Variants in CPQ observed in about 807,000 individuals in gnomAD.
The protein encoded by CPQ is Ser-Met dipeptidase.
In CPQ, 37 loss-of-function variants were observed where a neutral mutation model predicts 45.7. That is an observed-to-expected ratio of 0.81 (90% CI 0.62 to 1.07). The LOEUF (loss-of-function observed/expected upper bound fraction) is 1.07, where lower values mean the gene tolerates loss of function less well. CPQ is among the 50% of genes least tolerant of loss of function. The pLI is 0.00. For synonymous variants in CPQ, 186 were observed against 205.8 expected (o/e 0.90, Z 0.82); for missense variants, 537 against 572.9 (o/e 0.94, Z 0.64).
chr8:97,127,819 C>T (rs1393809273), intron 7 of CPQ, among the ~76,000 whole-genome samples: 1 of 152,130 alleles, frequency 6.6e-6, no homozygotes, highest in Non-Finnish European at 1.5e-5. Context: ...TTATGCTGAG[C>T]AAAAGAAGCC....
At chr8:96,898,773 T>TAAA (rs1162694440) in intron 4 of CPQ, among the ~76,000 whole-genome samples, 6 of 29,608 alleles carry the variant, frequency 2.0e-4, no homozygotes, top group Non-Finnish European at 3.3e-4. Context: ...ACTTAGGGTA[T>TAAA]AATAAAAAAA....
At position 96,974,075 on chromosome 8, in the gene CPQ, G is replaced by T. The variant is rs144956221; in HGVS notation, c.961+8029G>T. 7.4e-4 allele frequency among the ~76,000 whole-genome samples: 113 copies of T among 152,224 alleles called. 4 individuals are homozygous for T. In the East Asian group the frequency reaches 0.016, roughly 21 times the overall value. ...TTCTCCACTTAAAAGATAACAGAAT[G>T]ACAGAATGGATAAGAATGCACCAAC... is the stretch of plus-strand genomic sequence containing the variant. On this transcript the variant is annotated intron_variant, in intron 5 of 7. Transcript: ENST00000220763.
At chr8:96,841,146 G>T (rs916936463) in intron 3 of CPQ, among the ~76,000 whole-genome samples, 17 of 152,158 alleles carry the variant, frequency 1.1e-4, no homozygotes, top group African/African-American at 2.7e-4. Context: ...TGTAGGGGTC[G>T]GGAGAGGGAG....
At chr8:96,846,208 A>T (rs1214965952) in intron 3 of CPQ, among the ~76,000 whole-genome samples, 1 of 152,218 alleles carries the variant, frequency 6.6e-6, no homozygotes. Context: ...GCCAAAATTT[A>T]ATTTTAGCCT....
At chr8:96,723,355 T>G (rs1485716625) in intron 1 of CPQ, among the ~76,000 whole-genome samples, 1 of 152,142 alleles carries the variant, frequency 6.6e-6, no homozygotes, top group Non-Finnish European at 1.5e-5. Flanking sequence ...AGGGGATCCT[T>G]TTATAAACAC....
chr8:97,104,820 G>A (rs561260965), intron 7 of CPQ, among the ~76,000 whole-genome samples: 5 of 152,280 alleles, frequency 3.3e-5, no homozygotes, highest in African/African-American at 1.2e-4. Context: ...TCATCCCTGA[G>A]GGTGAAGTCT....
chr8:96,908,792 G>A (rs1234265472), intron 4 of CPQ, among the ~76,000 whole-genome samples: 2 of 134,848 alleles, frequency 1.5e-5, no homozygotes, highest in African/African-American at 5.6e-5. Context: ...ATATTCTGGG[G>A]AAGAGGTGTT....
intron 4 of CPQ, among the ~76,000 whole-genome samples, chr8:96,883,906 A>G (rs563327763): frequency 6.6e-6 from 1 of 152,278 alleles, no homozygotes; most frequent in East Asian, 1.9e-4. Flanking sequence ...GGAACTTGGC[A>G]TGCAGTGGCT....
chr8:96,960,265 A>G (rs1290923898), intron 4 of CPQ, among the ~76,000 whole-genome samples: 1 of 152,088 alleles, frequency 6.6e-6, no homozygotes, highest in African/African-American at 2.4e-5. Flanking sequence ...TTTGATCTCT[A>G]GTTAGTTTAT....
intron 5 of CPQ, among the ~76,000 whole-genome samples, chr8:97,016,664 T>C (rs113498589): frequency 0.019 from 2,948 of 152,294 alleles, 117 homozygotes; most frequent in African/African-American, 0.066. Flanking sequence ...CAGCCAACTC[T>C]GCCTTTGAGT....
chr8:96,934,335 G>A (rs1350007523), intron 4 of CPQ, among the ~76,000 whole-genome samples: 2 of 152,150 alleles, frequency 1.3e-5, no homozygotes, highest in East Asian at 1.9e-4. Context: ...GAAAGCCCTC[G>A]GGCTGGATGC....
At chr8:97,079,993 TATGCTAGGGCACA>T (rs2130549616) in intron 7 of CPQ, among the ~76,000 whole-genome samples, 2 of 152,216 alleles carry the variant, frequency 1.3e-5, no homozygotes, top group East Asian at 3.9e-4. Flanking sequence ...AGGAGTGAAA[TATGCTAGGGCACA>T]ATCCTAGCCA....
At chr8:96,770,186 G>A (rs1293445095) in intron 1 of CPQ, among the ~76,000 whole-genome samples, 2 of 152,130 alleles carry the variant, frequency 1.3e-5, no homozygotes, top group South Asian at 2.1e-4. Context: ...GTCTGAGAGT[G>A]TGGCCAGTGG....
intron 1 of CPQ, among the ~76,000 whole-genome samples, chr8:96,723,770 ACAAC>A (rs1173896306): frequency 3.3e-5 from 5 of 152,100 alleles, no homozygotes. Flanking sequence ...CTGCAGGACA[ACAAC>A]CAACTTGTGT....
At chr8:96,816,933 A>G (rs1811236197) in intron 2 of CPQ, among the ~76,000 whole-genome samples, 1 of 152,172 alleles carries the variant, frequency 6.6e-6, no homozygotes, top group African/African-American at 2.4e-5. Context: ...TGTTTCATTT[A>G]TAGAGCACTG....
intron 7 of CPQ, among the ~76,000 whole-genome samples, chr8:97,101,426 C>CTA (rs144327113): frequency 1.2e-3 from 180 of 148,768 alleles, no homozygotes; most frequent in Middle Eastern, 3.6e-3. Context: ...TTCTGCCGTA[C>CTA]TATATATATA....
At chr8:96,865,418 T>G (rs1811985447) in intron 3 of CPQ, among the ~76,000 whole-genome samples, 1 of 152,008 alleles carries the variant, frequency 6.6e-6, no homozygotes, top group African/African-American at 2.4e-5. Context: ...CAGTCTGACT[T>G]AGAGCTGAGC....
intron 7 of CPQ, among the ~76,000 whole-genome samples, chr8:97,107,419 T>C (rs1811421678): frequency 6.6e-6 from 1 of 152,254 alleles, no homozygotes; most frequent in African/African-American, 2.4e-5. Flanking sequence ...GTGAGGGGCC[T>C]GCATGCCCTG....
intron 2 of CPQ, among the ~76,000 whole-genome samples, chr8:96,793,641 A>C (rs185433096): frequency 9.7e-4 from 147 of 152,278 alleles, no homozygotes; most frequent in African/African-American, 3.3e-3. Context: ...GTTTGCCAAA[A>C]TCTTAACTCA....
Sources: gnomAD v4.1 joint callset for allele counts (sites outside exome capture counted in the v4.1 genomes callset) on GRCh38, gnomAD v4.1.1 for gene constraint, MANE v1.5 for transcripts, NCBI Gene and HGNC (gene_info 2026-07-23, HGNC 2026-07-21) for gene names.